The following CNTNAP2 variants were observed in gnomAD, a reference collection of about 807,000 sequenced individuals.
The protein encoded by CNTNAP2 is contactin-associated protein-like 2.
A neutral mutation model predicts 155.2 loss-of-function variants in CNTNAP2; 98 were observed. That is an observed-to-expected ratio of 0.63 (90% CI 0.54 to 0.75). The LOEUF (loss-of-function observed/expected upper bound fraction) is 0.75. CNTNAP2 is among the 30% of genes least tolerant of loss of function. The pLI is 0.00. For synonymous variants in CNTNAP2, 651 were observed against 631.2 expected, an observed-to-expected ratio of 1.03 and a Z score of -0.47; for missense variants, 1,727 against 1,688.1, an observed-to-expected ratio of 1.02 and a Z score of -0.40.
chr7:147,795,269 CT>C (rs1797875613), intron 13 of CNTNAP2, among the ~76,000 whole-genome samples: 1 of 151,820 alleles, frequency 6.6e-6, no homozygotes, highest in African/African-American at 2.4e-5. Context: ...ATAGTTGAAT[CT>C]TGTTTTTTAT....
rs555676138 is a variant in CNTNAP2 at position 147,366,817 on chromosome 7, A to G, written c.1499-28792A>G. Among the ~76,000 whole-genome samples the G allele has an allele frequency of 6.7e-5, 10 of 148,212 alleles. No homozygotes were observed. In the East Asian group the frequency reaches 1.6e-3, roughly 24 times the overall value. On this transcript the variant is annotated intron_variant, in intron 9 of 23. Coordinates refer to ENST00000361727, the MANE Select transcript of CNTNAP2 (RefSeq NM_014141.6). ...CACACACACACACACACACACCCCA[A>G]TGTTTATTAGTGATTTCTAATATAA...
chr7:146,944,746 A>G (rs889047145), intron 3 of CNTNAP2, among the ~76,000 whole-genome samples: 1 of 151,792 alleles, frequency 6.6e-6, no homozygotes, highest in African/African-American at 2.4e-5. Context: ...GACGTGGTGG[A>G]GGGCGCCTGT....
intron 1 of CNTNAP2, among the ~76,000 whole-genome samples, chr7:146,249,269 C>A (rs1257817606): frequency 6.6e-6 from 1 of 152,132 alleles, no homozygotes; most frequent in East Asian, 1.9e-4. Flanking sequence ...TTAAAATATT[C>A]ATGATTATTA....
chr7:147,975,109 T>TTTTTTGTATTACGTATAATACAA (rs1801406116), intron 14 of CNTNAP2, among the ~76,000 whole-genome samples: 4 of 109,818 alleles, frequency 3.6e-5, no homozygotes, highest in Non-Finnish European at 6.5e-5. Flanking sequence ...TATAATACAA[T>TTTTTTGTATTACGTATAATACAA]TTTTTTGTAT....
rs1200491717 is a variant in CNTNAP2 at position 146,469,626 on chromosome 7, G to T, written c.98-304645G>T. On this transcript the variant is annotated intron_variant, in intron 1 of 23. Transcript: ENST00000361727. ...CAACCTCTGCTTTTTTGGTTCAAATGATTATCATGTCTTAGCCTCCCTAGT... is the reference window on the plus strand; with the variant it reads ...CAACCTCTGCTTTTTTGGTTCAAATTATTATCATGTCTTAGCCTCCCTAGT... Among the ~76,000 whole-genome samples the T allele has an allele frequency of 4.2e-4, 62 of 149,196 alleles. No homozygotes were observed. In the Admixed American group the frequency reaches 4.2e-3, roughly 10 times the overall value.
chr7:147,290,778 T>C (rs981072550), intron 8 of CNTNAP2, among the ~76,000 whole-genome samples: 1 of 151,914 alleles, frequency 6.6e-6, no homozygotes, highest in Non-Finnish European at 1.5e-5. Flanking sequence ...GTTGAGACCT[T>C]AAACAAGAAG....
chr7:147,711,103 A>G (rs547542316), intron 13 of CNTNAP2, among the ~76,000 whole-genome samples: 2 of 152,294 alleles, frequency 1.3e-5, no homozygotes, highest in South Asian at 2.1e-4. Context: ...TTTGACATCA[A>G]TGTGCTGTGA....
chr7:146,525,405 C>T (rs1382873250), intron 1 of CNTNAP2, among the ~76,000 whole-genome samples: 1 of 152,068 alleles, frequency 6.6e-6, no homozygotes, highest in Non-Finnish European at 1.5e-5. Context: ...AATCATAATT[C>T]AACATGACTT....
intron 16 of CNTNAP2, among the ~76,000 whole-genome samples, chr7:148,146,850 G>T (rs1415262200): frequency 6.6e-6 from 1 of 152,006 alleles, no homozygotes; most frequent in Admixed American, 6.6e-5. Flanking sequence ...AACAATTCAA[G>T]GGTCCCCAAC....
At chr7:147,848,452 G>T (rs1230272782) in intron 13 of CNTNAP2, among the ~76,000 whole-genome samples, 2 of 150,648 alleles carry the variant, frequency 1.3e-5, no homozygotes, top group Admixed American at 6.6e-5. Flanking sequence ...GCCCTGCTTC[G>T]GCTCGCACAC....
intron 13 of CNTNAP2, among the ~76,000 whole-genome samples, chr7:147,736,053 A>T (rs1253747932): frequency 1.4e-5 from 2 of 145,064 alleles, no homozygotes; most frequent in African/African-American, 4.9e-5. Context: ...TGTGAACTTG[A>T]TCCTGTCATT....
chr7:147,583,810 T>C (rs1382784373), intron 12 of CNTNAP2, among the ~76,000 whole-genome samples: 1 of 152,088 alleles, frequency 6.6e-6, no homozygotes, highest in East Asian at 1.9e-4. Flanking sequence ...CTCAGATCCA[T>C]ATGATTTTTC....
chr7:147,891,415 G>C (rs1799692789), intron 13 of CNTNAP2, among the ~76,000 whole-genome samples: 1 of 152,050 alleles, frequency 6.6e-6, no homozygotes, highest in Non-Finnish European at 1.5e-5. Context: ...ATATTGGACA[G>C]GCTGGTCTTG....
chr7:146,133,611 C>A (rs1404497608), intron 1 of CNTNAP2, among the ~76,000 whole-genome samples: 5 of 152,156 alleles, frequency 3.3e-5, no homozygotes, highest in Non-Finnish European at 4.4e-5. Context: ...GGAAGGGATC[C>A]AGTTTCAGCT....
At chr7:146,997,586 AT>A (rs1483461542) in intron 3 of CNTNAP2, among the ~76,000 whole-genome samples, 1 of 151,974 alleles carries the variant, frequency 6.6e-6, no homozygotes, top group Non-Finnish European at 1.5e-5. Context: ...GTTTGGAAGT[AT>A]TTTTTTCCTG....
At chr7:147,767,748 A>G (rs1302067140) in intron 13 of CNTNAP2, among the ~76,000 whole-genome samples, 4 of 152,108 alleles carry the variant, frequency 2.6e-5, no homozygotes. Context: ...AAGTGTCTTC[A>G]TGTGAGAAAG....
chr7:147,376,504 T>C (rs538260981), intron 9 of CNTNAP2, among the ~76,000 whole-genome samples: 1 of 152,132 alleles, frequency 6.6e-6, no homozygotes, highest in South Asian at 2.1e-4. Flanking sequence ...TAACTTGTAG[T>C]GAATTTTACC....
intron 9 of CNTNAP2, among the ~76,000 whole-genome samples, chr7:147,360,091 C>T (rs1796123053): frequency 6.6e-6 from 1 of 152,086 alleles, no homozygotes; most frequent in Non-Finnish European, 1.5e-5. Flanking sequence ...TCCTAACAAT[C>T]CTAGAAAACT....
intron 1 of CNTNAP2, among the ~76,000 whole-genome samples, chr7:146,700,062 C>T (rs972121137): frequency 6.6e-6 from 1 of 152,280 alleles, no homozygotes; most frequent in East Asian, 1.9e-4. Flanking sequence ...TTTTCTCCCA[C>T]CTTTAACTGA....
Sources: allele counts gnomAD v4.1 joint callset (sites outside exome capture counted in the v4.1 genomes callset), GRCh38; gene constraint gnomAD v4.1.1; transcripts MANE v1.5; gene names NCBI Gene and HGNC (gene_info 2026-07-23, HGNC 2026-07-21).